Variants in PLEKHA8 observed in about 807,000 individuals in gnomAD.
PLEKHA8 encodes the protein pleckstrin homology domain-containing family A member 8.
A neutral mutation model predicts 68.2 loss-of-function variants in PLEKHA8; 36 were observed. The observed-to-expected ratio is 0.53, with a 90% CI of 0.40 to 0.70. The LOEUF (loss-of-function observed/expected upper bound fraction) is 0.70. PLEKHA8 is among the 30% of genes least tolerant of loss of function. The pLI is 0.00. For missense variants in PLEKHA8, 505 were observed against 615.4 expected (o/e 0.82, Z 1.90); for synonymous variants, 211 against 216.1 (o/e 0.98, Z 0.20).
Position 30,044,245 on chromosome 7 carries a change from T to C in PLEKHA8, c.41-840T>C, listed in dbSNP as rs1286843302. 3.3e-5 allele frequency among the ~76,000 whole-genome samples: 5 copies of C among 152,136 alleles called. No homozygotes were observed. In the South Asian group the frequency reaches 6.2e-4, roughly 19 times the overall value. On this transcript the variant is annotated intron_variant, in intron 1 of 13. Coordinates refer to ENST00000449726, the MANE Select transcript of PLEKHA8 (RefSeq NM_001197026.2). ...TGGTCTCCATCTCCTGACCTCATGA[T>C]CCATCCACCTCGACCTCCCAAAGTG... is the stretch of plus-strand genomic sequence containing the variant.
chr7:30,049,359 C>T lies in PLEKHA8; in HGVS notation c.574C>T (p.Leu192=), dbSNP rs1198705063. ...LYRTPPGSPQ[L]AMLKSSKMKH... ...CCGCACTCCACCAGGATCACCTCAG[C>T]TGGCCATGCTCAAGTCCAGCAAGGT... The change falls in exon 5 of 14, where the codon CTG becomes TTG. Residue 192 remains leucine (L), a synonymous_variant. Coordinates refer to ENST00000449726, the MANE Select transcript of PLEKHA8 (RefSeq NM_001197026.2). 1 of 1,614,126 alleles carries T rather than the reference C, an allele frequency of 6.2e-7. No homozygotes were observed. The highest frequency in any genetic ancestry group is 8.5e-7 in the Non-Finnish European group (1 of 1,179,984).
At chr7:30,068,013 G>T (rs902716776) in intron 12 of PLEKHA8, among the ~76,000 whole-genome samples, 1 of 152,238 alleles carries the variant, frequency 6.6e-6, no homozygotes, top group Non-Finnish European at 1.5e-5. Flanking sequence ...GCTTCTCATA[G>T]CTAAGAGGGA....
In PLEKHA8 at chr7:30,083,652, C is replaced by T; in HGVS notation, c.*4865C>T. ...GCCTTTAATTAAAAGGAAAAAAATA[C>T]CACTACTCTGCAATGCAAAAGTCTT... On this transcript the variant is annotated 3_prime_UTR_variant, in exon 14 of 14. Coordinates refer to ENST00000449726, the MANE Select transcript of PLEKHA8 (RefSeq NM_001197026.2). 1.0e-6 allele frequency: 1 copy of T among 985,350 alleles called. No homozygotes were observed. Among genetic ancestry groups the T allele is most frequent in the Non-Finnish European group, 1.2e-6 (1 of 829,868 alleles). The allele number at this position is 985,350 out of a possible 1,614,324, so 61.0% of individuals were successfully genotyped here.
chr7:30,112,983 A>G (rs922946729), intron 13 of PLEKHA8, among the ~76,000 whole-genome samples: 17 of 152,022 alleles, frequency 1.1e-4, no homozygotes, highest in African/African-American at 4.1e-4. Context: ...CCTAAAATAT[A>G]CAAATAACCT....
chr7:30,052,596 T>G, intron 6 of PLEKHA8, 113 bp from the exon 7 acceptor site: 1 of 847,948 alleles, frequency 1.2e-6, no homozygotes, highest in South Asian at 2.1e-5. Context: ...GCTGTGATTG[T>G]GCCACTGTAC....
In PLEKHA8 at chr7:30,056,312, C is replaced by CTCTCTATATATATA. The variant is rs796845171; in HGVS notation, c.1039+971_1039+972insCTCTATATATATAT. Reference sequence around the variant, plus strand: ...TCTCTCTCTCTCTCTCTCTCTCTCTCTATATATATATATATATATAAATAA... The same window carrying CTCTCTATATATATA: ...TCTCTCTCTCTCTCTCTCTCTCTCTCTCTCTATATATATATATATATATATATATATATAAATAA... On this transcript the variant is annotated intron_variant, in intron 9 of 13. Coordinates refer to ENST00000449726, the MANE Select transcript of PLEKHA8 (RefSeq NM_001197026.2). Among the ~76,000 whole-genome samples, 113 of 94,540 alleles carry CTCTCTATATATATA rather than the reference C, an allele frequency of 1.2e-3. 1 individual carries two copies. The highest frequency in any genetic ancestry group is 1.4e-3 in the East Asian group (5 of 3,506). The allele number at this position is 94,540 out of a possible 152,430, so 62.0% of individuals were successfully genotyped here. A position where few individuals can be genotyped will look rare whatever the true frequency, so the allele number is the denominator to read the frequency against.
chr7:30,028,777 G>T lies in PLEKHA8; in HGVS notation c.15G>T (p.Leu5=). 1 of 1,271,420 alleles carries T rather than the reference G, an allele frequency of 7.9e-7. No individual in the cohort carries two copies. Among genetic ancestry groups the T allele is most frequent in the Non-Finnish European group, 1.0e-6 (1 of 1,002,672 alleles). The allele number at this position is 1,271,420 out of a possible 1,614,324, so 78.8% of individuals were successfully genotyped here. MEGV[L]YKWTNYLSGW... is the part of the protein sequence containing the mutation. Reference sequence around the variant, plus strand: ...CCGCGGGCGCCATGGAGGGGGTGCTGTACAAGTGGACCAACTATCTGAGCG... The same window carrying T: ...CCGCGGGCGCCATGGAGGGGGTGCTTTACAAGTGGACCAACTATCTGAGCG... The change falls in exon 1 of 14, where the codon CTG becomes CTT. Residue 5 remains leucine, a synonymous_variant. Coordinates refer to ENST00000449726, the MANE Select transcript of PLEKHA8 (RefSeq NM_001197026.2).
intron 13 of PLEKHA8, among the ~76,000 whole-genome samples, chr7:30,076,481 A>G (rs1183891846): frequency 3.9e-5 from 6 of 152,218 alleles, no homozygotes; most frequent in Non-Finnish European, 5.9e-5. Context: ...AGTTTTGAGC[A>G]CTTAACATGC....
At chr7:30,076,545 C>T (rs1415137229) in intron 13 of PLEKHA8, among the ~76,000 whole-genome samples, 1 of 152,058 alleles carries the variant, frequency 6.6e-6, no homozygotes, top group Non-Finnish European at 1.5e-5. Context: ...TCTCATAATC[C>T]TGAGATAGAT....
rs544027328 is a variant in PLEKHA8, at chr7:30,051,711, C to T, written c.639-998C>T. 5.3e-5 allele frequency among the ~76,000 whole-genome samples: 8 copies of T among 152,258 alleles called. No homozygotes were observed. The East Asian group carries it at 1.4e-3, about 26-fold the overall frequency. ...CTCCCTGGCTGGGCATGGTGGCTCA[C>T]GCCTATAATCCCAGCACTTTGGGAG... On this transcript the variant is annotated intron_variant, in intron 6 of 13. Transcript: ENST00000449726.
downstream of PLEKHA8, chr7:30,129,586 A>C: frequency 2.2e-6 from 1 of 461,910 alleles, no homozygotes; most frequent in Non-Finnish European, 3.9e-6. Context: ...ATACTTCTAC[A>C]TGCATTATAG....
rs1445407077 is a variant in PLEKHA8, at chr7:30,078,702, T to G, written c.1475T>G (p.Leu492Arg). The change falls in exon 14 of 14, where the codon CTT (leucine) becomes CGT (arginine). Residue 492 changes from leucine (L) to arginine (R), a missense_variant. Physicochemically the swap from Leu to Arg is moderately radical, Grantham distance 102. Coordinates refer to ENST00000449726, the MANE Select transcript of PLEKHA8 (RefSeq NM_001197026.2). ...FSIGMQRDLS[L>R]YLPAMEKQLA... ...ATTGGGATGCAGAGGGACCTCAGCC[T>G]TTACCTCCCTGCCATGGAGAAGCAG... 1.9e-6 allele frequency: 3 copies of G among 1,613,726 alleles called. No individual in the cohort carries two copies. The highest frequency in any genetic ancestry group is 2.5e-6 in the Non-Finnish European group (3 of 1,179,830).
chr7:30,093,516 G>A (rs547898429), downstream of PLEKHA8, among the ~76,000 whole-genome samples: 4 of 152,324 alleles, frequency 2.6e-5, no homozygotes, highest in East Asian at 5.8e-4. Flanking sequence ...ATCAGACCAC[G>A]GGTCAAATCC....
intron 13 of PLEKHA8, among the ~76,000 whole-genome samples, chr7:30,113,913 T>A (rs927841698): frequency 3.3e-5 from 5 of 151,750 alleles, no homozygotes; most frequent in African/African-American, 1.2e-4. Context: ...TTTTTTTTTT[T>A]TTTTTGAGAC....
In PLEKHA8 at chr7:30,099,232, A is replaced by G. The variant is rs193111749; in HGVS notation, c.1362+25100A>G. Among the ~76,000 whole-genome samples, 400 of 152,308 alleles carry G rather than the reference A, an allele frequency of 2.6e-3. 2 individuals are homozygous for G. Among genetic ancestry groups the G allele is most frequent in the Admixed American group, 5.2e-3 (80 of 15,298 alleles). On this transcript the variant is annotated intron_variant, in intron 13 of 13. Coordinates refer to the PLEKHA8 transcript ENST00000396257. ...CTTTCAGTAGAAGTGTCTCCACACCAAGCAAGAAACAAAACACCACAAACA... is the reference window on the plus strand; with the variant it reads ...CTTTCAGTAGAAGTGTCTCCACACCGAGCAAGAAACAAAACACCACAAACA...
At chr7:30,105,246 T>C (rs1796014452) in intron 13 of PLEKHA8, among the ~76,000 whole-genome samples, 1 of 149,022 alleles carries the variant, frequency 6.7e-6, no homozygotes, top group Non-Finnish European at 1.5e-5. Flanking sequence ...CTAGGTAAGT[T>C]CATCCCTTCA....
chr7:30,129,043 TTCAACAC>T (rs1329614297), intron 13 of PLEKHA8, among the ~76,000 whole-genome samples: 13 of 152,116 alleles, frequency 8.5e-5, no homozygotes, highest in Admixed American at 2.0e-4. Flanking sequence ...GGGATGAAGT[TTCAACAC>T]GAGGCTTGGA....
chr7:30,031,778 A>G (rs1445226643), intron 1 of PLEKHA8, among the ~76,000 whole-genome samples: 1 of 152,176 alleles, frequency 6.6e-6, no homozygotes, highest in African/African-American at 2.4e-5. Flanking sequence ...AATACTATGT[A>G]TTATTATTTT....
chr7:30,072,321 A>G (rs1212139536), intron 12 of PLEKHA8, among the ~76,000 whole-genome samples: 1 of 152,248 alleles, frequency 6.6e-6, no homozygotes, highest in African/African-American at 2.4e-5. Context: ...TATATAAAAT[A>G]TATTGCAATA....
Sources: gnomAD v4.1 joint callset for allele counts (sites outside exome capture counted in the v4.1 genomes callset) on GRCh38, gnomAD v4.1.1 for gene constraint, MANE v1.5 for transcripts, NCBI Gene and HGNC (gene_info 2026-07-23, HGNC 2026-07-21) for gene names.